The following ZNF701 variants were observed in gnomAD, a reference collection of about 807,000 sequenced individuals.
The protein encoded by ZNF701 is zinc finger protein 701.
ZNF701 carries 6 observed loss-of-function variants against 7.1 expected under a neutral mutation model. That is an observed-to-expected ratio of 0.84 (90% CI 0.46 to 1.66). ZNF701 has a LOEUF of 1.66. Ranked by LOEUF, ZNF701 falls within the 40% of genes most tolerant of loss-of-function variation. The pLI is 0.01. For synonymous variants in ZNF701, 166 were observed against 188.2 expected (o/e 0.88, Z 0.97); for missense variants, 541 against 559.2 (o/e 0.97, Z 0.33).
intron 3 of ZNF701, among the ~76,000 whole-genome samples, chr19:52,580,515 G>A (rs73580219): frequency 0.12 from 17,557 of 151,872 alleles, 2,543 homozygotes; most frequent in African/African-American, 0.35. Flanking sequence ...ATGTGCCACC[G>A]TGCCCGGACA....
intron 3 of ZNF701, among the ~76,000 whole-genome samples, chr19:52,578,050 C>G (rs1380582055): frequency 6.6e-6 from 1 of 151,718 alleles, no homozygotes; most frequent in East Asian, 1.9e-4. Context: ...GTCAGGAGAT[C>G]GAGACCATCC....
chr19:52,591,860 AT>A, downstream of ZNF701, among the ~76,000 whole-genome samples: 1 of 152,262 alleles, frequency 6.6e-6, no homozygotes, highest in East Asian at 1.9e-4. Context: ...CTGGCCATAT[AT>A]TTTTTATATT....
intron 3 of ZNF701, among the ~76,000 whole-genome samples, chr19:52,576,533 C>T (rs571303870): frequency 6.6e-6 from 1 of 152,188 alleles, no homozygotes; most frequent in South Asian, 2.1e-4. Context: ...GAGCAAGACT[C>T]TCTCTCAAAA....
intron 1 of ZNF701, chr19:52,572,219 T>C: frequency 8.7e-6 from 3 of 343,118 alleles, no homozygotes; most frequent in South Asian, 6.5e-5. Context: ...AACATCTAGA[T>C]AATTTTTGTA....
chr19:52,573,391 C>G (rs1005226395), intron 1 of ZNF701, among the ~76,000 whole-genome samples: 3 of 152,180 alleles, frequency 2.0e-5, no homozygotes, highest in African/African-American at 7.2e-5. Flanking sequence ...CAATGCCCAC[C>G]AAGCCCAGCT....
chr19:52,575,500 A>G (rs995400418), intron 2 of ZNF701, among the ~76,000 whole-genome samples: 2 of 151,462 alleles, frequency 1.3e-5, no homozygotes, highest in African/African-American at 2.4e-5. Flanking sequence ...TTTTATTTTC[A>G]TGTATTTTAT....
At chr19:52,574,754 TAGC>T (rs2059922255) in intron 2 of ZNF701, among the ~76,000 whole-genome samples, 1 of 152,162 alleles carries the variant, frequency 6.6e-6, no homozygotes, top group African/African-American at 2.4e-5. Context: ...ACCTAAATAA[TAGC>T]AGGAGATTTA....
chr19:52,583,532 C>G lies in ZNF701; in HGVS notation c.*75C>G. On this transcript the variant is annotated 3_prime_UTR_variant, in exon 4 of 4. Transcript: ENST00000391785. ...TCATAGACTTTATACTGGAGAGAAA[C>G]CTTACAAATGTGAAGAATGTGACAA... 6.3e-7 allele frequency: 1 copy of G among 1,599,650 alleles called. No individual in the cohort carries two copies. The highest frequency in any genetic ancestry group is 8.6e-7 in the Non-Finnish European group (1 of 1,168,408).
Position 52,582,597 on chromosome 19 carries a change from A to G in ZNF701, c.538A>G (p.Ile180Val), listed in dbSNP as rs752982176. 2 of 1,614,188 alleles carry G rather than the reference A, an allele frequency of 1.2e-6. No homozygotes were observed. Among genetic ancestry groups the G allele is most frequent in the Non-Finnish European group, 1.7e-6 (2 of 1,180,040 alleles). ...DAFSVSASQR[I>V]SCRPKTRISN... Reference sequence around the variant, plus strand: ...TTTCTCAGTTTCAGCATCCCAACGAATTTCCTGTAGGCCAAAAACTCGTAT... The same window carrying G: ...TTTCTCAGTTTCAGCATCCCAACGAGTTTCCTGTAGGCCAAAAACTCGTAT... The change falls in exon 4 of 4, where the codon ATT (isoleucine) becomes GTT (valine). Residue 180 changes from isoleucine to valine, a missense_variant. Transcript: ENST00000391785.
intron 1 of ZNF701, chr19:52,572,423 T>C: frequency 1.6e-5 from 21 of 1,277,372 alleles, no homozygotes; most frequent in East Asian, 5.6e-5. Flanking sequence ...TGTAATTTTC[T>C]TGTGAGGAAG....
intron 1 of ZNF701, among the ~76,000 whole-genome samples, chr19:52,571,657 G>A (rs1450927685): frequency 6.6e-6 from 1 of 151,972 alleles, no homozygotes; most frequent in African/African-American, 2.4e-5. Flanking sequence ...ACCGCACCTG[G>A]CCACCCAAGC....
chr19:52,571,458 G>A (rs1356740570), intron 1 of ZNF701, among the ~76,000 whole-genome samples: 1 of 152,118 alleles, frequency 6.6e-6, no homozygotes, highest in African/African-American at 2.4e-5. Context: ...GGAGATTGAG[G>A]ACGATCGAAG....
At chr19:52,571,391 G>T (rs1169796644) in intron 1 of ZNF701, among the ~76,000 whole-genome samples, 2 of 152,078 alleles carry the variant, frequency 1.3e-5, no homozygotes, top group African/African-American at 2.4e-5. Context: ...AGAGAAGAGA[G>T]AATTTAACAG....
At chr19:52,581,756 A>G (rs1457395873) in intron 3 of ZNF701, among the ~76,000 whole-genome samples, 7 of 152,204 alleles carry the variant, frequency 4.6e-5, no homozygotes, top group Non-Finnish European at 5.9e-5. Context: ...GATTTTGATT[A>G]TCCTTACAGG....
At chr19:52,571,926 C>T (rs528789808) in intron 1 of ZNF701, among the ~76,000 whole-genome samples, 46 of 152,176 alleles carry the variant, frequency 3.0e-4, no homozygotes, top group South Asian at 2.1e-3. Flanking sequence ...CGAGTTCAAG[C>T]GAGTCTCCTG....
the ZNF701 span, among the ~76,000 whole-genome samples, chr19:52,593,727 G>A: frequency 7.0e-5 from 8 of 113,908 alleles, 1 homozygote; most frequent in African/African-American, 2.7e-4. Context: ...CAGACGGGGC[G>A]GCCGGGCAGA....
In ZNF701 at chr19:52,583,658, T is replaced by G. The variant is rs750356616; in HGVS notation, c.*201T>G. ...TTTGTGACAAGGATTTCGGGTGTGA[T>G]TCACACCTGGCCCAACATACTGGAA... On this transcript the variant is annotated 3_prime_UTR_variant, in exon 4 of 4. Transcript: ENST00000391785. 3 of 1,089,092 alleles carry G rather than the reference T, an allele frequency of 2.8e-6. No individual in the cohort carries two copies. The highest frequency in any genetic ancestry group is 4.3e-6 in the Non-Finnish European group (3 of 703,070). 67.5% of individuals were successfully genotyped at this position (1,089,092 alleles called of 1,614,324 possible).
the ZNF701 span, chr19:52,592,353 A>G: frequency 0.38 from 404,880 of 1,054,170 alleles, 78,334 homozygotes; most frequent in Middle Eastern, 0.47. Flanking sequence ...ATTGTTTTCT[A>G]CAGTGATGAC....
At chr19:52,571,964 C>T (rs1229004665) in intron 1 of ZNF701, among the ~76,000 whole-genome samples, 1 of 152,124 alleles carries the variant, frequency 6.6e-6, no homozygotes, top group East Asian at 1.9e-4. Flanking sequence ...GCTGGGATTA[C>T]AGGCATGTGC....
Sources: allele counts gnomAD v4.1 joint callset (sites outside exome capture counted in the v4.1 genomes callset), GRCh38; gene constraint gnomAD v4.1.1; transcripts MANE v1.5; gene names NCBI Gene and HGNC (gene_info 2026-07-23, HGNC 2026-07-21).